Variants in MTHFD1L observed in about 807,000 individuals in gnomAD.
The protein encoded by MTHFD1L is monofunctional C1-tetrahydrofolate synthase, mitochondrial.
In MTHFD1L, 81 loss-of-function variants were observed where a neutral mutation model predicts 119.5. The ratio of observed to expected loss-of-function variants is 0.68; its 90% confidence interval spans 0.57 to 0.82. The LOEUF (loss-of-function observed/expected upper bound fraction) is 0.82, where lower values mean the gene tolerates loss of function less well. Ranked by LOEUF, MTHFD1L falls within the 40% of genes least tolerant of loss-of-function variation. The pLI, the probability that MTHFD1L is intolerant of heterozygous loss-of-function variation, is 0.00. For synonymous variants in MTHFD1L, 430 were observed against 475.2 expected (o/e 0.90, Z 1.24); for missense variants, 1,125 against 1,253.4 (o/e 0.90, Z 1.55).
intron 21 of MTHFD1L, among the ~76,000 whole-genome samples, chr6:151,013,523 T>C (rs531716787): frequency 6.6e-6 from 1 of 152,358 alleles, no homozygotes; most frequent in East Asian, 1.9e-4. Context: ...AGGGAGATTT[T>C]AAACATTACT....
In MTHFD1L at chr6:150,887,309, G is replaced by A. The variant is rs1319683836; in HGVS notation, c.644-536G>A. Among the ~76,000 whole-genome samples the A allele has an allele frequency of 2.6e-5, 4 of 152,190 alleles. No individual in the cohort carries two copies. In the East Asian group the frequency reaches 5.8e-4, roughly 22 times the overall value. On this transcript the variant is annotated intron_variant, in intron 6 of 27. Coordinates refer to ENST00000367321, the MANE Select transcript of MTHFD1L (RefSeq NM_015440.5). ...TCAAAGAAAAGAGTAAATTAGGCTG[G>A]TGAGTTATAGTTACATATTGTGGAA...
intron 12 of MTHFD1L, 42 bp from the exon 13 acceptor site, chr6:150,938,657 A>G: frequency 6.3e-7 from 1 of 1,593,228 alleles, no homozygotes; most frequent in Non-Finnish European, 8.5e-7. Flanking sequence ...TGGCAGCTGT[A>G]CTTGGTGACC....
At chr6:151,034,737 A>T (rs1183103239) in intron 25 of MTHFD1L, 137 bp downstream of exon 25, 3 of 663,280 alleles carry the variant, frequency 4.5e-6, no homozygotes, top group African/African-American at 3.6e-5. Context: ...AGATGAAGGT[A>T]ATATCCTCGG....
intron 26 of MTHFD1L, among the ~76,000 whole-genome samples, chr6:151,073,443 A>G (rs1340995810): frequency 6.6e-6 from 1 of 152,222 alleles, no homozygotes; most frequent in Non-Finnish European, 1.5e-5. Context: ...CAGACATCCA[A>G]TCCAAAATTA....
At chr6:150,999,579 G>A (rs1376247778) in intron 20 of MTHFD1L, among the ~76,000 whole-genome samples, 1 of 151,886 alleles carries the variant, frequency 6.6e-6, no homozygotes, top group East Asian at 1.9e-4. Context: ...TAATTCTGAT[G>A]GATTTTTATA....
At chr6:151,090,773 T>C (rs1012274803) in intron 26 of MTHFD1L, among the ~76,000 whole-genome samples, 4 of 152,246 alleles carry the variant, frequency 2.6e-5, no homozygotes, top group African/African-American at 7.2e-5. Context: ...CTACATGATA[T>C]GGCATTAACC....
At chr6:150,995,602 A>G (rs1779712964) in intron 20 of MTHFD1L, among the ~76,000 whole-genome samples, 1 of 152,070 alleles carries the variant, frequency 6.6e-6, no homozygotes, top group South Asian at 2.1e-4. Context: ...ACATAAAGTG[A>G]AAATGATTTA....
At chr6:151,071,439 T>A (rs1242059388) in intron 26 of MTHFD1L, among the ~76,000 whole-genome samples, 2 of 152,172 alleles carry the variant, frequency 1.3e-5, no homozygotes, top group Non-Finnish European at 2.9e-5. Context: ...TACTTCAACA[T>A]GCAAGAGAAT....
intron 20 of MTHFD1L, among the ~76,000 whole-genome samples, chr6:150,974,736 T>C (rs201726822): frequency 0.43 from 64,372 of 150,376 alleles, 15,891 homozygotes; most frequent in African/African-American, 0.63. Context: ...TTTTTTTTTT[T>C]TTTTTTTTAT....
chr6:151,058,069 G>T (rs1056472141), intron 26 of MTHFD1L, among the ~76,000 whole-genome samples: 1 of 152,240 alleles, frequency 6.6e-6, no homozygotes, highest in Non-Finnish European at 1.5e-5. Flanking sequence ...AAGCCACCAT[G>T]CCCAGCTGGA....
chr6:151,096,435 C>G (rs3843914), intron 27 of MTHFD1L, among the ~76,000 whole-genome samples: 42,114 of 151,976 alleles, frequency 0.28, 5,967 homozygotes, highest in Middle Eastern at 0.39. Flanking sequence ...TAAGATAAAA[C>G]CACTATACAA....
intron 20 of MTHFD1L, among the ~76,000 whole-genome samples, chr6:151,007,538 C>T (rs1260855842): frequency 1.3e-5 from 2 of 152,216 alleles, no homozygotes; most frequent in Non-Finnish European, 2.9e-5. Context: ...TCTCACTTAA[C>T]CCTTCCAACA....
In MTHFD1L at chr6:150,918,597, C is replaced by G. The variant is rs190251947; in HGVS notation, c.913C>G (p.Pro305Ala). The G allele has an allele frequency of 1.2e-6, 2 of 1,613,948 alleles. No homozygotes were observed. The highest frequency in any genetic ancestry group is 1.6e-4 in the Middle Eastern group (1 of 6,062). ...TACAGGGAAGGTTGGGTGTGGCTCT[C>G]CAAGAATACATTTTGGTGGACTCAT... ...FLSGKVGCGSPRIHFGGLIEE... is the reference protein window; with the variant it reads ...FLSGKVGCGSARIHFGGLIEE... Residue 305 changes from proline to alanine, a missense_variant, in exon 9 of 28, where the codon CCA (proline) becomes GCA (alanine). Pro to Ala is a conservative substitution (Grantham distance 27). Transcript: ENST00000367321.
At chr6:150,883,311 G>C (rs755245719) in intron 5 of MTHFD1L, among the ~76,000 whole-genome samples, 1 of 152,166 alleles carries the variant, frequency 6.6e-6, no homozygotes, top group Non-Finnish European at 1.5e-5. Flanking sequence ...GATTACAGGC[G>C]TGAGCCACCG....
chr6:151,018,504 C>T (rs73620637), intron 24 of MTHFD1L, among the ~76,000 whole-genome samples: 5,133 of 152,246 alleles, frequency 0.034, 301 homozygotes, highest in African/African-American at 0.12. Flanking sequence ...GTGATATCTT[C>T]CCATTTTACA....
intron 15 of MTHFD1L, among the ~76,000 whole-genome samples, chr6:150,948,780 A>G (rs981158711): frequency 1.4e-5 from 2 of 145,918 alleles, no homozygotes; most frequent in African/African-American, 4.9e-5. Context: ...AGCTGGGATT[A>G]CAGGCATGCG....
At chr6:150,971,566 A>C (rs1266614738) in intron 19 of MTHFD1L, among the ~76,000 whole-genome samples, 2 of 152,160 alleles carry the variant, frequency 1.3e-5, no homozygotes, top group South Asian at 2.1e-4. Flanking sequence ...AAATAAATAT[A>C]CCTTTTATAC....
At chr6:151,021,109 G>A (rs974730792) in intron 24 of MTHFD1L, among the ~76,000 whole-genome samples, 3 of 152,200 alleles carry the variant, frequency 2.0e-5, no homozygotes, top group Non-Finnish European at 4.4e-5. Context: ...GCCTCCTACT[G>A]TGGACACAAT....
At chr6:150,952,771 G>A (rs942044473) in intron 16 of MTHFD1L, among the ~76,000 whole-genome samples, 7 of 152,040 alleles carry the variant, frequency 4.6e-5, no homozygotes, top group Admixed American at 1.3e-4. Context: ...CTCGTGATCC[G>A]CCTGCCTTGG....
Sources: allele counts gnomAD v4.1 joint callset (sites outside exome capture counted in the v4.1 genomes callset), GRCh38; gene constraint gnomAD v4.1.1; transcripts MANE v1.5; gene names NCBI Gene and HGNC (gene_info 2026-07-23, HGNC 2026-07-21).